The following SFMBT2 variants were observed in gnomAD, a reference collection of about 807,000 sequenced individuals.
The protein encoded by SFMBT2 is Scm like with four mbt domains 2.
SFMBT2 carries 38 observed loss-of-function variants against 110.1 expected under a neutral mutation model. The observed-to-expected ratio is 0.35, with a 90% CI of 0.27 to 0.45. SFMBT2 has a LOEUF of 0.45. Among genes scored for constraint, SFMBT2 ranks in the 20% least tolerant of loss-of-function variants. The probability of loss-of-function intolerance (pLI) is 1.00; values close to 1 mark genes in which losing one functional copy is unlikely to be tolerated. For synonymous variants in SFMBT2, 425 were observed against 425.4 expected, an observed-to-expected ratio of 1.00 and a Z score of 0.01; for missense variants, 1,011 against 1,094.9, an observed-to-expected ratio of 0.92 and a Z score of 1.08.
Position 7,171,163 on chromosome 10 carries a change from C to A in SFMBT2, c.2416-107G>T. On this transcript the variant is annotated intron_variant, in intron 19 of 20. Transcript: ENST00000397167. The surrounding 1 kb of genome is among the most constrained non-coding windows in gnomAD (Gnocchi z 4.9). The stretch of plus-strand genomic sequence containing the variant: ...GTTCCTGGCCGGAAGCCACTGCCTC[C>A]CTTTGCTCCCTCACTGGGCACCTGA... 6.4e-7 allele frequency: 1 copy of A among 1,562,856 alleles called. No homozygotes were observed. Among genetic ancestry groups the A allele is most frequent in the Non-Finnish European group, 8.7e-7 (1 of 1,148,718 alleles).
chr10:7,187,921 T>C (rs1838467811), intron 16 of SFMBT2, among the ~76,000 whole-genome samples: 1 of 152,238 alleles, frequency 6.6e-6, no homozygotes, highest in African/African-American at 2.4e-5. Context: ...CATAGATGAA[T>C]ATTAAAAGTC....
At chr10:7,180,546 G>A (rs1481528317) in intron 16 of SFMBT2, among the ~76,000 whole-genome samples, 1 of 152,156 alleles carries the variant, frequency 6.6e-6, no homozygotes, top group African/African-American at 2.4e-5. Context: ...CCCAACTCCG[G>A]ACAGCCATGA....
intron 3 of SFMBT2, among the ~76,000 whole-genome samples, chr10:7,369,065 T>A (rs1475545613): frequency 6.6e-6 from 1 of 152,222 alleles, no homozygotes; most frequent in Non-Finnish European, 1.5e-5. Context: ...TGGTGATGCA[T>A]GCCTGTAATC....
At chr10:7,404,546 G>A (rs867166128) in intron 1 of SFMBT2, among the ~76,000 whole-genome samples, 4 of 152,282 alleles carry the variant, frequency 2.6e-5, no homozygotes, top group Middle Eastern at 3.4e-3. Flanking sequence ...AACATTATTT[G>A]TCCTACTTTG....
chr10:7,302,692 T>C (rs571458648), intron 4 of SFMBT2, among the ~76,000 whole-genome samples: 1 of 152,338 alleles, frequency 6.6e-6, no homozygotes, highest in East Asian at 1.9e-4. Flanking sequence ...CAGGTTGTTA[T>C]TAAAGGAAAA....
At chr10:7,312,758 G>C (rs191406327) in intron 4 of SFMBT2, among the ~76,000 whole-genome samples, 2 of 152,216 alleles carry the variant, frequency 1.3e-5, no homozygotes, top group Admixed American at 1.3e-4. Context: ...GAACCCCCCA[G>C]AATAGAAAGT....
In SFMBT2 at chr10:7,285,502, A is replaced by G. The variant is rs138885748; in HGVS notation, c.525+364T>C. ...TCCAAGAGACTATATTAGCACATACATGATCTTGTCACCTGTTCAAAACAG... is the reference window on the plus strand; with the variant it reads ...TCCAAGAGACTATATTAGCACATACGTGATCTTGTCACCTGTTCAAAACAG... On this transcript the variant is annotated intron_variant, in intron 5 of 20. Coordinates refer to ENST00000397167, the MANE Select transcript of SFMBT2 (RefSeq NM_001387889.1). The G allele has an allele frequency of 1.6e-4, 29 of 176,318 alleles. No homozygotes were observed. In the East Asian group the frequency reaches 4.5e-3, roughly 27 times the overall value. The allele number at this position is 176,318 out of a possible 1,614,324, so 10.9% of individuals were successfully genotyped here.
In SFMBT2 at chr10:7,202,410, T is replaced by A. The variant is rs1838983899; in HGVS notation, c.1487+70A>T. On this transcript the variant is annotated intron_variant, in intron 13 of 20. Coordinates refer to ENST00000397167, the MANE Select transcript of SFMBT2 (RefSeq NM_001387889.1). ...TAACTCCAATAAAAACAGCCATGCT[T>A]CCCATCCTCCATAAAGACACTACAG... 2.5e-6 allele frequency: 4 copies of A among 1,595,766 alleles called. No individual in the cohort carries two copies. In the South Asian group the frequency reaches 4.4e-5, roughly 18 times the overall value.
chr10:7,187,120 A>G (rs1486099020), intron 16 of SFMBT2, among the ~76,000 whole-genome samples: 1 of 152,206 alleles, frequency 6.6e-6, no homozygotes, highest in African/African-American at 2.4e-5. Context: ...ACTTCCTCTC[A>G]CTGTGGAGCG....
intron 4 of SFMBT2, among the ~76,000 whole-genome samples, chr10:7,359,128 C>G (rs1411249122): frequency 6.6e-6 from 1 of 152,218 alleles, no homozygotes; most frequent in African/African-American, 2.4e-5. Flanking sequence ...CTGGAGCAGC[C>G]AGACATCCTG....
intron 11 of SFMBT2, among the ~76,000 whole-genome samples, chr10:7,210,185 A>C (rs970552286): frequency 1.3e-5 from 2 of 152,168 alleles, no homozygotes; most frequent in Middle Eastern, 3.4e-3. Context: ...CCACGGCTCC[A>C]CCCAGCCGAT....
At chr10:7,368,179 AC>A (rs1844963390) in intron 3 of SFMBT2, 1 of 335,030 alleles carries the variant, frequency 3.0e-6, no homozygotes, top group Non-Finnish European at 4.2e-6. Context: ...AATATAAAAA[AC>A]ATTAATGAAA....
intron 4 of SFMBT2, among the ~76,000 whole-genome samples, chr10:7,348,916 A>C (rs1038092468): frequency 2.0e-5 from 3 of 152,196 alleles, no homozygotes; most frequent in African/African-American, 7.2e-5. Flanking sequence ...AGAAGTGGTA[A>C]GTTCCATGTC....
rs1837907449 is a variant in SFMBT2, at chr10:7,172,395, C to T, written c.2151+100G>A. On this transcript the variant is annotated intron_variant, in intron 18 of 20. Transcript: ENST00000397167. This position sits in a 1 kb window ranked among gnomAD's most constrained non-coding sequence, Gnocchi z 4.6. ...TCTTCAGTGTTTCTGACCATCTTGCCACAATCTCCAGGGCCACCTCTGCTG... is the reference window on the plus strand; with the variant it reads ...TCTTCAGTGTTTCTGACCATCTTGCTACAATCTCCAGGGCCACCTCTGCTG... 6.4e-7 allele frequency: 1 copy of T among 1,573,950 alleles called. No homozygotes were observed. The highest frequency in any genetic ancestry group is 1.2e-5 in the South Asian group (1 of 86,600).
Position 7,170,254 on chromosome 10 carries a change from C to T in SFMBT2, c.2544+674G>A, listed in dbSNP as rs758245959. Among the ~76,000 whole-genome samples the T allele has an allele frequency of 6.6e-6, 1 of 152,206 alleles. No homozygotes were observed. Among genetic ancestry groups the T allele is most frequent in the Non-Finnish European group, 1.5e-5 (1 of 68,042 alleles). The stretch of plus-strand genomic sequence containing the variant: ...AGCTTCATGCCCCTGAGACTTGGAG[C>T]TGAAGAAGCTGCAACCCAGATTTGC... On this transcript the variant is annotated intron_variant, in intron 20 of 20. Coordinates refer to ENST00000397167, the MANE Select transcript of SFMBT2 (RefSeq NM_001387889.1). This position sits in a 1 kb window ranked among gnomAD's most constrained non-coding sequence, Gnocchi z 4.6.
chr10:7,374,644 C>A (rs1845151150), intron 2 of SFMBT2, among the ~76,000 whole-genome samples: 1 of 152,170 alleles, frequency 6.6e-6, no homozygotes, highest in South Asian at 2.1e-4. Flanking sequence ...GTCTCCCCTG[C>A]AGGAATCAGT....
intron 9 of SFMBT2, chr10:7,241,419 T>C (rs192394201): frequency 3.0e-4 from 226 of 757,096 alleles, no homozygotes; most frequent in Admixed American, 6.2e-4. Flanking sequence ...AGTATGTATT[T>C]GCATATAATA....
intron 4 of SFMBT2, among the ~76,000 whole-genome samples, chr10:7,306,125 T>C (rs898329184): frequency 1.3e-5 from 2 of 152,318 alleles, no homozygotes; most frequent in African/African-American, 2.4e-5. Context: ...TTTATGTTCA[T>C]AGGGGTCAAA....
At chr10:7,213,087 G>A (rs1323186049) in intron 11 of SFMBT2, among the ~76,000 whole-genome samples, 4 of 152,072 alleles carry the variant, frequency 2.6e-5, no homozygotes, top group African/African-American at 9.7e-5. Context: ...TCAAGGGGTG[G>A]GGGTAAGGGG....
Sources: gnomAD v4.1 joint callset for allele counts (sites outside exome capture counted in the v4.1 genomes callset) on GRCh38, gnomAD v4.1.1 for gene constraint, Gnocchi (gnomAD v3.1) non-coding constraint, MANE v1.5 for transcripts, NCBI Gene and HGNC (gene_info 2026-07-23, HGNC 2026-07-21) for gene names.